The following NDRG4 variants were observed in gnomAD, a reference collection of about 807,000 sequenced individuals.
The protein encoded by NDRG4 is protein NDRG4.
NDRG4 carries 38 observed loss-of-function variants against 55.8 expected under a neutral mutation model. The ratio of observed to expected loss-of-function variants is 0.68; its 90% CI spans 0.53 to 0.89. The LOEUF is 0.89. Ranked by LOEUF, NDRG4 falls within the 40% of genes least tolerant of loss-of-function variation. The pLI is 0.00. For missense variants in NDRG4, 455 were observed against 468.6 expected, an observed-to-expected ratio of 0.97 and a Z score of 0.27; for synonymous variants, 190 against 182.7, an observed-to-expected ratio of 1.04 and a Z score of -0.32.
intron 1 of NDRG4, among the ~76,000 whole-genome samples, chr16:58,479,965 T>C (rs1213766548): frequency 1.3e-5 from 2 of 152,196 alleles, no homozygotes; most frequent in African/African-American, 4.8e-5. Flanking sequence ...AGCCCTAGAA[T>C]GGGAGTGCTA....
intron 1 of NDRG4, chr16:58,501,553 A>G (rs1410966776): frequency 6.3e-6 from 1 of 158,926 alleles, no homozygotes. Flanking sequence ...GCAGCGCTCC[A>G]AGGGACGGGG....
upstream of NDRG4, among the ~76,000 whole-genome samples, chr16:58,498,120 G>A (rs967339201): frequency 6.6e-6 from 1 of 152,128 alleles, no homozygotes; most frequent in African/African-American, 2.4e-5. Flanking sequence ...GGTGGGGAGA[G>A]GCCACTCAGG....
intron 1 of NDRG4, chr16:58,501,788 C>T (rs775203905): frequency 2.9e-6 from 1 of 347,488 alleles, no homozygotes; most frequent in Admixed American, 3.6e-5. Context: ...GGCGGCCACA[C>T]CAGGGCTGGG....
chr16:58,506,881 T>C lies in NDRG4; in HGVS notation c.517-31T>C, dbSNP rs747281056. The C allele has an allele frequency of 1.9e-6, 3 of 1,593,790 alleles. No individual in the cohort carries two copies. In the East Asian group the frequency reaches 6.7e-5, roughly 36 times the overall value. On this transcript the variant is annotated intron_variant, in intron 7 of 14. Coordinates refer to ENST00000570248, the MANE Select transcript of NDRG4 (RefSeq NM_001242835.2). Reference sequence around the variant, plus strand: ...GCCTGCGTCCCTCTGTCTGCCCCTCTGCATGCCTCCATCCATCTCCCTGGG... The same window carrying C: ...GCCTGCGTCCCTCTGTCTGCCCCTCCGCATGCCTCCATCCATCTCCCTGGG...
chr16:58,510,074 C>T (rs1279384565), intron 13 of NDRG4, among the ~76,000 whole-genome samples: 1 of 152,178 alleles, frequency 6.6e-6, no homozygotes, highest in Non-Finnish European at 1.5e-5. Flanking sequence ...TTTTTGTTCC[C>T]CTCCAGACTT....
At chr16:58,485,608 C>T (rs1597152499) in intron 1 of NDRG4, among the ~76,000 whole-genome samples, 1 of 152,108 alleles carries the variant, frequency 6.6e-6, no homozygotes. Context: ...GCCCCCACAC[C>T]CTGGATGGAT....
chr16:58,495,705 G>A (rs979021590), upstream of NDRG4, among the ~76,000 whole-genome samples: 25 of 152,252 alleles, frequency 1.6e-4, no homozygotes, highest in South Asian at 4.1e-4. Flanking sequence ...CCCCCAGTGG[G>A]AGCAACGCGA....
intron 1 of NDRG4, among the ~76,000 whole-genome samples, chr16:58,470,906 C>CAAAAAAAA (rs142300769): frequency 1.3e-5 from 1 of 79,774 alleles, no homozygotes; most frequent in Non-Finnish European, 2.2e-5. Flanking sequence ...GACACCATCT[C>CAAAAAAAA]CAAAAAAAAA....
downstream of NDRG4, among the ~76,000 whole-genome samples, chr16:58,514,288 C>T (rs1597371813): frequency 6.6e-6 from 1 of 152,200 alleles, no homozygotes; most frequent in Admixed American, 6.5e-5. Context: ...CTATAGTCCT[C>T]AATAAGGCTT....
chr16:58,487,770 G>A (rs758254817), exon 2 of NDRG4: 3 of 1,542,956 alleles, frequency 1.9e-6, no homozygotes, highest in Non-Finnish European at 2.6e-6. Context: ...CCTGCTCCAC[G>A]ACGTGACCAT....
intron 7 of NDRG4, 123 bp from the exon 8 acceptor site, chr16:58,506,789 C>T: frequency 2.6e-6 from 3 of 1,174,970 alleles, no homozygotes; most frequent in East Asian, 2.6e-5. Context: ...TGCCCCCACC[C>T]TGTCTCCCCT....
chr16:58,500,113 G>C, upstream of NDRG4: 1 of 1,530,502 alleles, frequency 6.5e-7, no homozygotes, highest in Non-Finnish European at 8.7e-7. Flanking sequence ...CAGGATCCCT[G>C]TATAAATGGC....
intron 1 of NDRG4, among the ~76,000 whole-genome samples, chr16:58,471,208 TTTTTG>T: frequency 1.1e-5 from 1 of 90,964 alleles, no homozygotes; most frequent in African/African-American, 3.1e-5. Context: ...TTTTTTTTTT[TTTTTG>T]GAGACAGGGT....
intron 1 of NDRG4, among the ~76,000 whole-genome samples, chr16:58,475,302 A>G (rs2033464386): frequency 6.6e-6 from 1 of 152,238 alleles, no homozygotes; most frequent in African/African-American, 2.4e-5. Flanking sequence ...TACCCATGTC[A>G]GTATAATTAT....
rs963481901 is a variant in NDRG4, at chr16:58,507,977, A to G, written c.707A>G (p.Asn236Ser). 1.9e-6 allele frequency: 3 copies of G among 1,592,336 alleles called. No homozygotes were observed. Among genetic ancestry groups the G allele is most frequent in the Non-Finnish European group, 8.6e-7 (1 of 1,166,706 alleles). ...RCPVMLVVGD[N>S]APAEDGVVEC... ...CCCGTGATGCTGGTGGTTGGGGATA[A>G]TGCACCCGCTGAGGACGGGGTGGTA... Residue 236 changes from asparagine to serine, a missense_variant, in exon 10 of 15, where the codon AAT (asparagine) becomes AGT (serine). Physicochemically the swap from Asn to Ser is conservative, Grantham distance 46. Transcript: ENST00000570248.
rs554457638 is a variant in NDRG4, at chr16:58,506,626, A to C, written c.516+12A>C. 2.6e-6 allele frequency: 4 copies of C among 1,548,204 alleles called. No individual in the cohort carries two copies. The African/African-American group carries it at 4.1e-5, about 16-fold the overall frequency. ...ACCTCTTCAGCCAGGTAAGGGGGGG[A>C]ACTTCTGCAGATCTGGGGTGATCTG... is the stretch of plus-strand genomic sequence containing the variant. On this transcript the variant is annotated intron_variant, in intron 7 of 14. Coordinates refer to ENST00000570248, the MANE Select transcript of NDRG4 (RefSeq NM_001242835.2).
At chr16:58,477,992 T>C (rs13336436) in intron 1 of NDRG4, among the ~76,000 whole-genome samples, 34,453 of 152,160 alleles carry the variant, frequency 0.23, 4,127 homozygotes, top group Middle Eastern at 0.33. Flanking sequence ...CCTCCTTCTG[T>C]CGTATTCTTG....
At chr16:58,499,878 G>T (rs2036848410), upstream of NDRG4, 2 of 407,516 alleles carry the variant, frequency 4.9e-6, no homozygotes, top group Non-Finnish European at 9.3e-6. Context: ...AGCTGCAGCT[G>T]TTGGCGTGTG....
rs1195627391 is a variant in NDRG4 at position 58,506,555 on chromosome 16, C to T, written c.460-3C>T. 1.3e-6 allele frequency: 2 copies of T among 1,597,564 alleles called. No homozygotes were observed. Among genetic ancestry groups the T allele is most frequent in the Non-Finnish European group, 1.7e-6 (2 of 1,173,872 alleles). ...ACTCACGCTGGCGCCCTGCTCCCTG[C>T]AGCTCTCCGGCCTAACTAGCACTTT... On this transcript the variant is annotated splice_region_variant and splice_polypyrimidine_tract_variant and intron_variant, in intron 6 of 14. Coordinates refer to ENST00000570248, the MANE Select transcript of NDRG4 (RefSeq NM_001242835.2).
Sources: allele counts gnomAD v4.1 joint callset (sites outside exome capture counted in the v4.1 genomes callset), GRCh38; gene constraint gnomAD v4.1.1; transcripts MANE v1.5; gene names NCBI Gene and HGNC (gene_info 2026-07-23, HGNC 2026-07-21).